Variants in ZNF213 observed in about 807,000 individuals in gnomAD.
ZNF213 encodes putative transcription factor CR53.
A neutral mutation model predicts 46.0 loss-of-function variants in ZNF213; 32 were observed. The ratio of observed to expected loss-of-function variants is 0.70; its 90% CI spans 0.52 to 0.93. The LOEUF (loss-of-function observed/expected upper bound fraction) is 0.93. Among genes scored for constraint, ZNF213 ranks in the 40% least tolerant of loss-of-function variants. The pLI, the probability that ZNF213 is intolerant of heterozygous loss-of-function variation, is 0.00. For synonymous variants in ZNF213, 297 were observed against 271.0 expected (o/e 1.10, Z -0.94); for missense variants, 639 against 652.8 (o/e 0.98, Z 0.23).
rs202010217 is a variant in ZNF213 at position 3,138,787 on chromosome 16, C to A, written c.566C>A (p.Thr189Lys). The A allele has an allele frequency of 3.7e-6, 6 of 1,613,976 alleles. No individual in the cohort carries two copies. The East Asian group carries it at 1.3e-4, about 36-fold the overall frequency. The change falls in exon 4 of 6, where the codon ACG becomes AAG. Residue 189 changes from threonine to lysine, a missense_variant. Thr to Lys is a moderately conservative substitution (Grantham distance 78). Transcript: ENST00000396878. ...CTTAAAGAGGGTCGTCCCGGAGAGA[C>A]GACGGACACCTGCTTTGTCTCTGGG... The part of the protein sequence containing the change: ...ALLKEGRPGE[T>K]TDTCFVSGVH...
chr16:3,138,968 A>G lies in ZNF213; in HGVS notation c.598-7A>G, dbSNP rs764116166. 1.2e-6 allele frequency: 2 copies of G among 1,614,092 alleles called. No homozygotes were observed. Among genetic ancestry groups the G allele is most frequent in the Admixed American group, 3.3e-5 (2 of 60,024 alleles). On this transcript the variant is annotated splice_polypyrimidine_tract_variant and splice_region_variant and intron_variant, in intron 4 of 5. Coordinates refer to ENST00000396878, the MANE Select transcript of ZNF213 (RefSeq NM_004220.3). ...GGCCTGAGCCGGGTCTTCTCACCCC[A>G]TTCCAGGGACCTGTGGCATTGGGAG... is the stretch of plus-strand genomic sequence containing the variant.
chr16:3,140,990 C>A lies in ZNF213; in HGVS notation c.1023C>A (p.Gly341=). The change falls in exon 6 of 6, where the codon GGC becomes GGA. Residue 341 remains glycine, a synonymous_variant. Coordinates refer to ENST00000396878, the MANE Select transcript of ZNF213 (RefSeq NM_004220.3). ...DLARHQRTHT[G]EKPHKCPECD... is the part of the protein sequence containing the mutation. Reference sequence around the variant, plus strand: ...CGCGGCACCAGCGCACGCACACGGGCGAGAAGCCACACAAGTGCCCTGAGT... The same window carrying A: ...CGCGGCACCAGCGCACGCACACGGGAGAGAAGCCACACAAGTGCCCTGAGT... 6.2e-7 allele frequency: 1 copy of A among 1,610,422 alleles called. No homozygotes were observed. The highest frequency in any genetic ancestry group is 8.5e-7 in the Non-Finnish European group (1 of 1,179,372).
In ZNF213 at chr16:3,135,188, G is replaced by A. The variant is rs1325210288; in HGVS notation, c.-315G>A. The stretch of plus-strand genomic sequence containing the variant: ...TCAAGCACCGGGCTCCGAGTGGCCG[G>A]GATCAGCGCCCCGAGGCAGAGGCCG... On this transcript the variant is annotated 5_prime_UTR_variant, in exon 1 of 6. Transcript: ENST00000396878. 2 of 153,084 alleles carry A rather than the reference G, an allele frequency of 1.3e-5. No homozygotes were observed. The highest frequency in any genetic ancestry group is 2.9e-5 in the Non-Finnish European group (2 of 68,052). The allele number at this position is 153,084 out of a possible 1,614,324, so 9.5% of individuals were successfully genotyped here. A position where few individuals can be genotyped will look rare whatever the true frequency, so the allele number is the denominator to read the frequency against.
chr16:3,138,562 G>T, intron 3 of ZNF213, 21 bp downstream of exon 3: 1 of 1,613,988 alleles, frequency 6.2e-7, no homozygotes, highest in South Asian at 1.1e-5. Flanking sequence ...CTCCGTTCTT[G>T]TGGACAGTCG....
chr16:3,141,651 C>A lies in ZNF213; in HGVS notation c.*304C>A. 1 of 436,702 alleles carries A rather than the reference C, an allele frequency of 2.3e-6. No homozygotes were observed. The highest frequency in any genetic ancestry group is 4.1e-6 in the Non-Finnish European group (1 of 245,444). The allele number at this position is 436,702 out of a possible 1,614,324, so 27.1% of individuals were successfully genotyped here. A position where few individuals can be genotyped will look rare whatever the true frequency, so the allele number is the denominator to read the frequency against. On this transcript the variant is annotated 3_prime_UTR_variant, in exon 6 of 6. Coordinates refer to ENST00000396878, the MANE Select transcript of ZNF213 (RefSeq NM_004220.3). Reference sequence around the variant, plus strand: ...ATTCCTGGCAGGGACAGCAGGGTGGCAAGGACTCAGGTCTAGGTCCCTTCC... The same window carrying A: ...ATTCCTGGCAGGGACAGCAGGGTGGAAAGGACTCAGGTCTAGGTCCCTTCC...
At position 3,137,414 on chromosome 16, in the gene ZNF213, G is replaced by C. The variant is rs893831056; in HGVS notation, c.134G>C (p.Arg45Pro). The C allele has an allele frequency of 3.7e-5, 59 of 1,613,858 alleles. No homozygotes were observed. The highest frequency in any genetic ancestry group is 4.9e-5 in the Non-Finnish European group (58 of 1,180,048). The change falls in exon 2 of 6, where the codon CGC (arginine) becomes CCC (proline). Residue 45 changes from arginine (R) to proline (P), a missense_variant. Transcript: ENST00000396878. ...HEDGRDSEAC[R>P]QRFRQFCYGD... ...GATGGCAGGGATTCCGAAGCCTGCCGCCAGCGCTTCCGGCAATTCTGCTAC... is the reference window on the plus strand; with the variant it reads ...GATGGCAGGGATTCCGAAGCCTGCCCCCAGCGCTTCCGGCAATTCTGCTAC...
intron 2 of ZNF213, 186 bp downstream of exon 2, chr16:3,137,865 G>A: frequency 1.3e-6 from 1 of 752,898 alleles, no homozygotes; most frequent in Non-Finnish European, 2.1e-6. Flanking sequence ...AAGTAAATGT[G>A]ATTTATTTTT....
rs893831056 is a variant in ZNF213 at position 3,137,414 on chromosome 16, G to A, written c.134G>A (p.Arg45His). 6.2e-6 allele frequency: 10 copies of A among 1,613,858 alleles called. No individual in the cohort carries two copies. Among genetic ancestry groups the A allele is most frequent in the East Asian group, 2.2e-5 (1 of 44,898 alleles). ...HEDGRDSEAC[R>H]QRFRQFCYGD... ...GATGGCAGGGATTCCGAAGCCTGCCGCCAGCGCTTCCGGCAATTCTGCTAC... is the reference window on the plus strand; with the variant it reads ...GATGGCAGGGATTCCGAAGCCTGCCACCAGCGCTTCCGGCAATTCTGCTAC... Residue 45 changes from arginine (R) to histidine (H), a missense_variant, in exon 2 of 6, where the codon CGC (arginine) becomes CAC (histidine). Physicochemically the swap from Arg to His is conservative, Grantham distance 29 (BLOSUM62 0). Coordinates refer to ENST00000396878, the MANE Select transcript of ZNF213 (RefSeq NM_004220.3).
chr16:3,137,472 C>G lies in ZNF213; in HGVS notation c.192C>G (p.Ser64Arg), dbSNP rs756113667. 1 of 1,613,926 alleles carries G rather than the reference C, an allele frequency of 6.2e-7. No individual in the cohort carries two copies. Among genetic ancestry groups the G allele is most frequent in the Admixed American group, 1.7e-5 (1 of 60,032 alleles). ...TGCATGGGCCTCATGAGGCCTTCAG[C>G]CAGCTCTGGGAGCTCTGCTGCCGCT... The part of the protein sequence containing the change: ...GDVHGPHEAF[S>R]QLWELCCRWL... The change falls in exon 2 of 6, where the codon AGC (serine) becomes AGG (arginine). Residue 64 changes from serine (S) to arginine (R), a missense_variant. Ser to Arg is a moderately radical substitution (Grantham distance 110, BLOSUM62 -1). Coordinates refer to ENST00000396878, the MANE Select transcript of ZNF213 (RefSeq NM_004220.3).
chr16:3,137,689 C>G lies in ZNF213; in HGVS notation c.399+10C>G, dbSNP rs374763486. 4.3e-6 allele frequency: 7 copies of G among 1,612,022 alleles called. No homozygotes were observed. In the African/African-American group the frequency reaches 8.0e-5, roughly 18 times the overall value. ...GAAAGCCTGGCGACAGGTGAGGGGC[C>G]CTTCCACATCCAGGGGCACCTGGAT... On this transcript the variant is annotated intron_variant, in intron 2 of 5. Transcript: ENST00000396878.
At chr16:3,135,838 C>G (rs1321654173) in intron 1 of ZNF213, among the ~76,000 whole-genome samples, 1 of 136,072 alleles carries the variant, frequency 7.3e-6, no homozygotes, top group Admixed American at 7.2e-5. Flanking sequence ...CTTTTCTTTT[C>G]TTTCTTTTTT....
At chr16:3,135,962 C>T (rs1957532147) in intron 1 of ZNF213, among the ~76,000 whole-genome samples, 1 of 151,700 alleles carries the variant, frequency 6.6e-6, no homozygotes, top group African/African-American at 2.4e-5. Context: ...CCTCAGCCTC[C>T]CCAGTAGCTG....
intron 2 of ZNF213, 105 bp from the exon 3 acceptor site, chr16:3,138,313 C>A (rs769539619): frequency 1.0e-5 from 16 of 1,549,188 alleles, no homozygotes; most frequent in African/African-American, 2.8e-5. Context: ...CCTTCCCACA[C>A]CCCAGCATCC....
chr16:3,138,375 G>A (rs779473994), intron 2 of ZNF213, 43 bp from the exon 3 acceptor site: 9 of 1,610,982 alleles, frequency 5.6e-6, no homozygotes, highest in South Asian at 5.5e-5. Context: ...TGTCTCCCCC[G>A]GTCTGGTCTC....
chr16:3,138,545 A>G lies in ZNF213; in HGVS notation c.523+4A>G. The G allele has an allele frequency of 1.2e-6, 2 of 1,614,056 alleles. No homozygotes were observed. Reference sequence around the variant, plus strand: ...CAGGAGCAGCACAGCCATAGCGGTGAGTAAGCCTCCGTTCTTGTGGACAGT... The same window carrying G: ...CAGGAGCAGCACAGCCATAGCGGTGGGTAAGCCTCCGTTCTTGTGGACAGT... On this transcript the variant is annotated splice_donor_region_variant and intron_variant, in intron 3 of 5. Coordinates refer to ENST00000396878, the MANE Select transcript of ZNF213 (RefSeq NM_004220.3).
Position 3,135,098 on chromosome 16 carries a change from T to TCGGGGGCGGGGGCGGGGGCGGGGG in ZNF213, c.-403_-380dup, listed in dbSNP as rs79101942. 4 of 79,458 alleles carry TCGGGGGCGGGGGCGGGGGCGGGGG rather than the reference T, an allele frequency of 5.0e-5. No individual in the cohort carries two copies. Among genetic ancestry groups the TCGGGGGCGGGGGCGGGGGCGGGGG allele is most frequent in the South Asian group, 3.2e-4 (1 of 3,088 alleles). 4.9% of individuals were successfully genotyped at this position (79,458 alleles called of 1,614,324 possible). On this transcript the variant is annotated 5_prime_UTR_variant, in exon 1 of 6. Coordinates refer to ENST00000396878, the MANE Select transcript of ZNF213 (RefSeq NM_004220.3). ...TGGGCCGTAGTGGGCGTTGTGTGTT[T>TCGGGGGCGGGGGCGGGGGCGGGGG]CGGGGGCGGGGGCGGGGGCGGGGGC... is the stretch of plus-strand genomic sequence containing the variant.
In ZNF213 at chr16:3,137,439, C is replaced by T. The variant is rs568922381; in HGVS notation, c.159C>T (p.Tyr53=). 24 of 1,613,950 alleles carry T rather than the reference C, an allele frequency of 1.5e-5. No homozygotes were observed. Among genetic ancestry groups the T allele is most frequent in the Admixed American group, 3.3e-5 (2 of 60,030 alleles). Residue 53 remains tyrosine (Y), a synonymous_variant, in exon 2 of 6, where the codon TAC becomes TAT. Transcript: ENST00000396878. ...ACRQRFRQFC[Y]GDVHGPHEAF... is the part of the protein sequence containing the mutation. Reference sequence around the variant, plus strand: ...GCCAGCGCTTCCGGCAATTCTGCTACGGGGATGTGCATGGGCCTCATGAGG... The same window carrying T: ...GCCAGCGCTTCCGGCAATTCTGCTATGGGGATGTGCATGGGCCTCATGAGG...
rs1259834744 is a variant in ZNF213 at position 3,138,357 on chromosome 16, G to A, written c.400-61G>A. On this transcript the variant is annotated intron_variant, in intron 2 of 5. Coordinates refer to ENST00000396878, the MANE Select transcript of ZNF213 (RefSeq NM_004220.3). The stretch of plus-strand genomic sequence containing the variant: ...ATGTCCTGTGTCTCCTTCCCAGGGA[G>A]TAAACTCTGTCTCCCCCGGTCTGGT... 6 of 1,603,710 alleles carry A rather than the reference G, an allele frequency of 3.7e-6. No homozygotes were observed. In the African/African-American group the frequency reaches 5.4e-5, roughly 14 times the overall value.
At chr16:3,139,517 C>T (rs929352190) in intron 5 of ZNF213, 8 of 195,952 alleles carry the variant, frequency 4.1e-5, no homozygotes, top group Non-Finnish European at 6.2e-5. Flanking sequence ...CCAGCCTGGG[C>T]CCCTGCTCGT....
Sources: allele counts gnomAD v4.1 joint callset (sites outside exome capture counted in the v4.1 genomes callset), GRCh38; gene constraint gnomAD v4.1.1; transcripts MANE v1.5; gene names NCBI Gene and HGNC (gene_info 2026-07-23, HGNC 2026-07-21).